Variants in ZSCAN20 observed in about 807,000 individuals in gnomAD.
The protein encoded by ZSCAN20 is zinc finger and SCAN domain-containing protein 20.
A neutral mutation model predicts 97.1 loss-of-function variants in ZSCAN20; 39 were observed. The observed-to-expected ratio is 0.40, with a 90% confidence interval of 0.31 to 0.52. ZSCAN20 has a LOEUF of 0.52. Among genes scored for constraint, ZSCAN20 ranks in the 20% least tolerant of loss-of-function variants. ZSCAN20 has a pLI of 0.49. For missense variants in ZSCAN20, 1,115 were observed against 1,290.4 expected, an observed-to-expected ratio of 0.86 and a Z score of 2.08; for synonymous variants, 456 against 467.3, an observed-to-expected ratio of 0.98 and a Z score of 0.31.
At chr1:33,478,127 G>A (rs1370514273) in intron 1 of ZSCAN20, among the ~76,000 whole-genome samples, 1 of 152,110 alleles carries the variant, frequency 6.6e-6, no homozygotes, top group Non-Finnish European at 1.5e-5. Context: ...TTGTCCTGAG[G>A]GAAATGGTAG....
intron 5 of ZSCAN20, 42 bp from the exon 6 acceptor site, chr1:33,490,983 C>G (rs1001511091): frequency 7.3e-5 from 112 of 1,527,664 alleles, no homozygotes; most frequent in Non-Finnish European, 9.2e-5. Context: ...ACATGCCGCT[C>G]AACAGACCAT....
At chr1:33,474,586 T>G (rs1273918179) in intron 1 of ZSCAN20, among the ~76,000 whole-genome samples, 2 of 152,236 alleles carry the variant, frequency 1.3e-5, no homozygotes, top group African/African-American at 4.8e-5. Flanking sequence ...TCTAGGTCTT[T>G]CTGGATATTG....
chr1:33,474,354 CA>C (rs1391509571), intron 1 of ZSCAN20, among the ~76,000 whole-genome samples: 1 of 152,196 alleles, frequency 6.6e-6, no homozygotes, highest in Non-Finnish European at 1.5e-5. Flanking sequence ...TAAGAGTTCC[CA>C]GTTTTTTCTC....
In ZSCAN20 at chr1:33,491,796, G is replaced by A; in HGVS notation, c.1444+94G>A. 1 of 1,319,950 alleles carries A rather than the reference G, an allele frequency of 7.6e-7. No homozygotes were observed. The highest frequency in any genetic ancestry group is 1.0e-6 in the Non-Finnish European group (1 of 970,550). The allele number at this position is 1,319,950 out of a possible 1,614,324, so 81.8% of individuals were successfully genotyped here. A position where few individuals can be genotyped will look rare whatever the true frequency, so the allele number is the denominator to read the frequency against. ...AGGTCAGGGCACAGGCTGCAAGTCT[G>A]GATTGAAGCCACTAGAGTGAAGAGC... On this transcript the variant is annotated intron_variant, in intron 6 of 7. Coordinates refer to ENST00000684572, the MANE Select transcript of ZSCAN20 (RefSeq NM_001377376.1). This position sits in a 1 kb window ranked among gnomAD's most constrained non-coding sequence, Gnocchi z 4.3.
chr1:33,498,722 A>G lies in ZSCAN20; in HGVS notation c.*3246A>G, dbSNP rs1018182550. On this transcript the variant is annotated 3_prime_UTR_variant, in exon 8 of 8. Transcript: ENST00000684572. ...GCAAATGCTGCCCTGGGAGGGTGTTACATCATGTGAGCTGCTAAAGGCAGG... is the reference window on the plus strand; with the variant it reads ...GCAAATGCTGCCCTGGGAGGGTGTTGCATCATGTGAGCTGCTAAAGGCAGG... 6.6e-6 allele frequency among the ~76,000 whole-genome samples: 1 copy of G among 152,178 alleles called. No individual in the cohort carries two copies. Among genetic ancestry groups the G allele is most frequent in the Admixed American group, 6.5e-5 (1 of 15,288 alleles).
In ZSCAN20 at chr1:33,490,979, C is replaced by T. The variant is rs187889098; in HGVS notation, c.767-46C>T. 966 of 1,511,938 alleles carry T rather than the reference C, an allele frequency of 6.4e-4. 2 individuals are homozygous for T. Among genetic ancestry groups the T allele is most frequent in the Non-Finnish European group, 7.8e-4 (880 of 1,127,158 alleles). The allele number at this position is 1,511,938 out of a possible 1,614,324, so 93.7% of individuals were successfully genotyped here. A position where few individuals can be genotyped will look rare whatever the true frequency, so the allele number is the denominator to read the frequency against. Reference sequence around the variant, plus strand: ...TCAGGGAGATTTTGGACAAACATGCCGCTCAACAGACCATTTCTACTCTGT... The same window carrying T: ...TCAGGGAGATTTTGGACAAACATGCTGCTCAACAGACCATTTCTACTCTGT... On this transcript the variant is annotated intron_variant, in intron 5 of 7. Transcript: ENST00000684572.
In ZSCAN20 at chr1:33,501,537, T is replaced by TTA. The variant is rs72016053; in HGVS notation, c.*6062_*6063insAT. On this transcript the variant is annotated 3_prime_UTR_variant, in exon 8 of 8. Coordinates refer to ENST00000684572, the MANE Select transcript of ZSCAN20 (RefSeq NM_001377376.1). ...GCTTTCACTTCCCCATTTTCTGTTATTTTTTTTTTTTTTGTGCTGTTATGT... is the reference window on the plus strand; with the variant it reads ...GCTTTCACTTCCCCATTTTCTGTTATTATTTTTTTTTTTTTGTGCTGTTATGT... Among the ~76,000 whole-genome samples the TTA allele has an allele frequency of 8.3e-4, 22 of 26,404 alleles. No individual in the cohort carries two copies. Among genetic ancestry groups the TTA allele is most frequent in the African/African-American group, 3.2e-3 (10 of 3,104 alleles). 17.3% of individuals were successfully genotyped at this position (26,404 alleles called of 152,430 possible). A position where few individuals can be genotyped will look rare whatever the true frequency, so the allele number is the denominator to read the frequency against.
At chr1:33,474,504 G>A (rs951737110) in intron 1 of ZSCAN20, among the ~76,000 whole-genome samples, 1 of 152,164 alleles carries the variant, frequency 6.6e-6, no homozygotes, top group Non-Finnish European at 1.5e-5. Flanking sequence ...GCTTCCCTGT[G>A]TTTGTAAAGA....
Position 33,493,160 on chromosome 1 carries a change from C to G in ZSCAN20, c.1445-27C>G. 6.2e-7 allele frequency: 1 copy of G among 1,603,472 alleles called. No individual in the cohort carries two copies. The highest frequency in any genetic ancestry group is 8.5e-7 in the Non-Finnish European group (1 of 1,171,964). The stretch of plus-strand genomic sequence containing the variant: ...CCTAGGCACATCTCATTAAGTCTCA[C>G]AGTTCTCAACTCTTCACTCCTGACA... On this transcript the variant is annotated intron_variant, in intron 6 of 7. Transcript: ENST00000684572. This position sits in a 1 kb window ranked among gnomAD's most constrained non-coding sequence, Gnocchi z 4.3.
chr1:33,499,136 C>T lies in ZSCAN20; in HGVS notation c.*3660C>T, dbSNP rs565372513. 5.8e-4 allele frequency among the ~76,000 whole-genome samples: 89 copies of T among 152,270 alleles called. No individual in the cohort carries two copies. Among genetic ancestry groups the T allele is most frequent in the Middle Eastern group, 6.8e-3 (2 of 294 alleles). On this transcript the variant is annotated 3_prime_UTR_variant, in exon 8 of 8. Coordinates refer to ENST00000684572, the MANE Select transcript of ZSCAN20 (RefSeq NM_001377376.1). ...CCCAGTGGGGATAGCTCTCTGCTTT[C>T]GGGCTGCAGAAAAGAATTGAGTCAC...
chr1:33,481,095 C>T (rs1222532680), intron 2 of ZSCAN20, among the ~76,000 whole-genome samples: 1 of 152,130 alleles, frequency 6.6e-6, no homozygotes, highest in Non-Finnish European at 1.5e-5. Flanking sequence ...CTTTGGATTC[C>T]TTTACAAACT....
intron 1 of ZSCAN20, among the ~76,000 whole-genome samples, chr1:33,475,280 T>C (rs376655701): frequency 2.6e-5 from 4 of 152,248 alleles, no homozygotes; most frequent in African/African-American, 7.2e-5. Flanking sequence ...CTTTAGGTAA[T>C]TGAGGATATA....
intron 1 of ZSCAN20, among the ~76,000 whole-genome samples, chr1:33,473,438 C>G (rs572286599): frequency 2.0e-5 from 3 of 152,164 alleles, no homozygotes; most frequent in Non-Finnish European, 4.4e-5. Context: ...TCTGATTATG[C>G]CTTCTGCTTG....
At chr1:33,472,804 A>T (rs1326703418) in intron 1 of ZSCAN20, 113 bp downstream of exon 1, 7 of 146,024 alleles carry the variant, frequency 4.8e-5, no homozygotes, top group African/African-American at 1.5e-4. Flanking sequence ...AAAGAAGCTT[A>T]TATGTGGGGG....
chr1:33,474,641 G>A (rs1651853834), intron 1 of ZSCAN20, among the ~76,000 whole-genome samples: 1 of 152,246 alleles, frequency 6.6e-6, no homozygotes, highest in Admixed American at 6.5e-5. Flanking sequence ...GTGGCAAAGC[G>A]ACAGCCCATG....
In ZSCAN20 at chr1:33,499,439, C is replaced by G. The variant is rs551263340; in HGVS notation, c.*3963C>G. Among the ~76,000 whole-genome samples the G allele has an allele frequency of 6.6e-6, 1 of 152,304 alleles. No homozygotes were observed. The highest frequency in any genetic ancestry group is 2.1e-4 in the South Asian group (1 of 4,828). On this transcript the variant is annotated 3_prime_UTR_variant, in exon 8 of 8. Coordinates refer to ENST00000684572, the MANE Select transcript of ZSCAN20 (RefSeq NM_001377376.1). Reference sequence around the variant, plus strand: ...CTGCTGTGGCCTCTCCTCTTAGGATCCCAGCTGCCTGCCAACCAGCTGTGC... The same window carrying G: ...CTGCTGTGGCCTCTCCTCTTAGGATGCCAGCTGCCTGCCAACCAGCTGTGC...
chr1:33,493,333 C>T lies in ZSCAN20; in HGVS notation c.1591C>T (p.Arg531Trp), dbSNP rs953583997. 5 of 1,614,054 alleles carry T rather than the reference C, an allele frequency of 3.1e-6. No homozygotes were observed. Among genetic ancestry groups the T allele is most frequent in the African/African-American group, 1.3e-5 (1 of 74,904 alleles). ...AERLCALGFL[R>W]TLEQCRYRFK... ...GCGGCTGTGTGCTCTGGGCTTCCTG[C>T]GGACACTGGAGCAGTGTCGCTACAG... The change falls in exon 7 of 8, where the codon CGG becomes TGG. Residue 531 changes from arginine (R) to tryptophan (W), a missense_variant. By Grantham distance (101) the Arg-to-Trp change is moderately radical (BLOSUM62 -3). This residue lies in a region of ZSCAN20 where 53 missense variants were observed against 94.3 expected (regional missense o/e 0.56). Coordinates refer to ENST00000684572, the MANE Select transcript of ZSCAN20 (RefSeq NM_001377376.1). The surrounding 1 kb of genome is among the most constrained non-coding windows in gnomAD (Gnocchi z 4.3).
At chr1:33,482,330 C>A (rs977207038) in intron 2 of ZSCAN20, among the ~76,000 whole-genome samples, 1 of 152,170 alleles carries the variant, frequency 6.6e-6, no homozygotes, top group Non-Finnish European at 1.5e-5. Context: ...CAGTATATAG[C>A]CCTTTCAGAT....
intron 5 of ZSCAN20, among the ~76,000 whole-genome samples, 166 bp from the exon 6 acceptor site, chr1:33,490,859 C>G (rs768521926): frequency 2.0e-5 from 3 of 152,098 alleles, no homozygotes; most frequent in Non-Finnish European, 2.9e-5. Flanking sequence ...ATATATTGGT[C>G]GTGTTACCTC....
Sources: gnomAD v4.1 joint callset for allele counts (sites outside exome capture counted in the v4.1 genomes callset) on GRCh38, gnomAD v4.1.1 for gene constraint, gnomAD v4.1.1 regional missense constraint, Gnocchi (gnomAD v3.1) non-coding constraint, MANE v1.5 for transcripts, NCBI Gene and HGNC (gene_info 2026-07-23, HGNC 2026-07-21) for gene names.